ASMT: variants seen among roughly 807,000 people sequenced by gnomAD.
ASMT encodes acetylserotonin O-methyltransferase.
ASMT carries 53 observed loss-of-function variants against 41.3 expected under a neutral mutation model. The observed-to-expected ratio is 1.28, with a 90% CI of 1.03 to 1.61. ASMT has a LOEUF of 1.61. Among genes scored for constraint, ASMT ranks in the 40% most tolerant of loss-of-function variants. The pLI, the probability that ASMT is intolerant of heterozygous loss-of-function variation, is 0.00. For missense variants in ASMT, 531 were observed against 441.3 expected, an observed-to-expected ratio of 1.20 and a Z score of -1.82; for synonymous variants, 231 against 184.8, an observed-to-expected ratio of 1.25 and a Z score of -2.03.
At chrX:1,631,419 T>C (rs1331776916) in intron 5 of ASMT, among the ~76,000 whole-genome samples, 2 of 151,468 alleles carry the variant, frequency 1.3e-5, no homozygotes, top group Admixed American at 6.6e-5. Context: ...CTCTACCCCA[T>C]AGGGCTGTCA....
intron 4 of ASMT, chrX:1,627,990 C>T (rs1301921389): frequency 1.6e-6 from 1 of 622,066 alleles, no homozygotes; most frequent in Non-Finnish European, 2.9e-6. Context: ...ACCCTTCCTT[C>T]GAAAGGACTA....
rs1353743729 is a variant in ASMT, at chrX:1,626,104, T to C, written c.375-1599T>C. On this transcript the variant is annotated intron_variant, in intron 3 of 8. Transcript: ENST00000381241. ...CTATCTGACTTGGTTCTCTCCTGGATCAGAAAAAAGGAAGGAAAAGGAAGG... is the reference window on the plus strand; with the variant it reads ...CTATCTGACTTGGTTCTCTCCTGGACCAGAAAAAAGGAAGGAAAAGGAAGG... 4.1e-3 allele frequency among the ~76,000 whole-genome samples: 619 copies of C among 151,850 alleles called. 19 individuals carry two copies. Among genetic ancestry groups the C allele is most frequent in the Non-Finnish European group, 3.3e-3 (227 of 67,954 alleles).
At chrX:1,623,586 G>A (rs1240254524) in intron 2 of ASMT, among the ~76,000 whole-genome samples, 4 of 152,138 alleles carry the variant, frequency 2.6e-5, no homozygotes, top group Admixed American at 1.3e-4. Context: ...GCGACAGAGC[G>A]AGACTCCATC....
At chrX:1,635,156 T>G (rs1433201899) in intron 7 of ASMT, among the ~76,000 whole-genome samples, 20 of 149,942 alleles carry the variant, frequency 1.3e-4, no homozygotes, top group African/African-American at 3.7e-4. Flanking sequence ...TTTTTTTTTT[T>G]TGTATTTTTG....
chrX:1,633,090 G>A (rs1934837736), intron 6 of ASMT, 60 bp from the exon 7 acceptor site: 7 of 1,606,630 alleles, frequency 4.4e-6, no homozygotes, highest in East Asian at 2.2e-5. Flanking sequence ...GGTGTGTGGA[G>A]GGTGAGCGAT....
chrX:1,627,730 G>C lies in ASMT; in HGVS notation c.402G>C (p.Thr134=). 2 of 1,613,958 alleles carry C rather than the reference G, an allele frequency of 1.2e-6. No homozygotes were observed. The highest frequency in any genetic ancestry group is 1.7e-6 in the Non-Finnish European group (2 of 1,179,856). ...AAGGAAGGAACCAGTACCTGGAGAC[G>C]TTTGGCGTTCCCGCTGAAGAGCTTT... is the stretch of plus-strand genomic sequence containing the variant. ...VREGRNQYLE[T]FGVPAEELFT... Residue 134 remains threonine, a synonymous_variant, in exon 4 of 9, where the codon ACG becomes ACC. Transcript: ENST00000381241.
At chrX:1,628,617 C>A (rs1175301938) in intron 4 of ASMT, among the ~76,000 whole-genome samples, 1 of 149,208 alleles carries the variant, frequency 6.7e-6, no homozygotes, top group Non-Finnish European at 1.5e-5. Flanking sequence ...CCTCTCTTCT[C>A]CTTCTGTCCT....
intron 5 of ASMT, 150 bp downstream of exon 5, chrX:1,630,089 C>T: frequency 1.3e-6 from 1 of 795,736 alleles, no homozygotes; most frequent in Non-Finnish European, 2.3e-6. Context: ...CAGCACTGGG[C>T]ACTTCCTAGA....
intron 7 of ASMT, among the ~76,000 whole-genome samples, chrX:1,635,842 A>G (rs1482635090): frequency 3.9e-5 from 6 of 152,032 alleles, no homozygotes; most frequent in Non-Finnish European, 4.4e-5. Flanking sequence ...AGCCTGGGCA[A>G]CAAGAGCAAA....
chrX:1,624,302 A>G lies in ASMT; in HGVS notation c.278A>G (p.Tyr93Cys). The change falls in exon 3 of 9, where the codon TAC becomes TGC. Residue 93 changes from tyrosine to cysteine, a missense_variant. By Grantham distance (194) the Tyr-to-Cys change is radical. Coordinates refer to ENST00000381241, the MANE Select transcript of ASMT (RefSeq NM_001171038.2). ...CGAAACACAGAGCTGTCCAGCGACT[A>G]CCTGACCACGGTCAGCCCGACGTCA... ...FYRNTELSSD[Y>C]LTTVSPTSQC... The G allele has an allele frequency of 6.2e-7, 1 of 1,613,982 alleles. No homozygotes were observed.
chrX:1,625,767 A>G (rs1471281437), intron 3 of ASMT, among the ~76,000 whole-genome samples: 2 of 151,488 alleles, frequency 1.3e-5, no homozygotes, highest in South Asian at 2.1e-4. Context: ...ATCCTGGCTA[A>G]CACGGTGAAA....
At chrX:1,621,593 C>G (rs1161820244) in intron 1 of ASMT, among the ~76,000 whole-genome samples, 9 of 152,292 alleles carry the variant, frequency 5.9e-5, no homozygotes, top group South Asian at 2.1e-4. Flanking sequence ...GTTGGGATTA[C>G]AGGCGTGAGC....
chrX:1,616,528 G>C lies in ASMT; in HGVS notation c.69+1260G>C, dbSNP rs1193065207. On this transcript the variant is annotated intron_variant, in intron 1 of 8. Coordinates refer to ENST00000381241, the MANE Select transcript of ASMT (RefSeq NM_001171038.2). ...GTTCTGGAACCCGGCGGAAGTGCTG[G>C]CTATACAACATCACGAATGTACTAA... Among the ~76,000 whole-genome samples, 16 of 151,334 alleles carry C rather than the reference G, an allele frequency of 1.1e-4. No individual in the cohort carries two copies. The South Asian group carries it at 1.2e-3, about 12-fold the overall frequency.
chrX:1,635,061 A>G (rs1269078027), intron 7 of ASMT, among the ~76,000 whole-genome samples: 20 of 122,558 alleles, frequency 1.6e-4, no homozygotes. Flanking sequence ...TGCAAGCTCC[A>G]CCTCCCGGGT....
chrX:1,618,819 G>A (rs1404581648), intron 1 of ASMT, among the ~76,000 whole-genome samples: 1 of 152,192 alleles, frequency 6.6e-6, no homozygotes, highest in Non-Finnish European at 1.5e-5. Flanking sequence ...TCCTTTGACC[G>A]CAGGCCTCCT....
chrX:1,628,182 G>A lies in ASMT; in HGVS notation c.443+411G>A, dbSNP rs554685461. 80 of 246,224 alleles carry A rather than the reference G, an allele frequency of 3.2e-4. 1 individual carries two copies. Among genetic ancestry groups the A allele is most frequent in the South Asian group, 1.5e-3 (29 of 19,222 alleles). The allele number at this position is 246,224 out of a possible 1,614,324, so 15.3% of individuals were successfully genotyped here. ...CTAAAAATACAAAAATTAGCCGGGC[G>A]TGGTGGCGGACGCCTGTAATCCCAG... On this transcript the variant is annotated intron_variant, in intron 4 of 8. Coordinates refer to ENST00000381241, the MANE Select transcript of ASMT (RefSeq NM_001171038.2).
chrX:1,615,350 A>G (rs1245715577), intron 1 of ASMT, 82 bp downstream of exon 1: 1 of 1,292,190 alleles, frequency 7.7e-7, no homozygotes. Context: ...GTCGAGAAAA[A>G]TGATGAGTCT....
chrX:1,616,832 C>T (rs1379027886), intron 1 of ASMT, among the ~76,000 whole-genome samples: 1 of 151,482 alleles, frequency 6.6e-6, no homozygotes, highest in Non-Finnish European at 1.5e-5. Context: ...CCTCAGCCTC[C>T]CGAGTAGCTG....
chrX:1,629,919 C>G lies in ASMT; in HGVS notation c.542C>G (p.Pro181Arg), dbSNP rs766305797. Residue 181 changes from proline (P) to arginine (R), a missense_variant, in exon 5 of 9, where the codon CCA becomes CGA. Transcript: ENST00000381241. ...VLTAFDLSVF[P>R]LMCDLGGTWI... is the part of the protein sequence containing the mutation. ...ACCGCCTTTGACCTGTCAGTGTTCCCACTTATGTGTGACCTTGGTGGTAAG... is the reference window on the plus strand; with the variant it reads ...ACCGCCTTTGACCTGTCAGTGTTCCGACTTATGTGTGACCTTGGTGGTAAG... 7 of 1,613,816 alleles carry G rather than the reference C, an allele frequency of 4.3e-6. No homozygotes were observed. In the African/African-American group the frequency reaches 9.3e-5, roughly 22 times the overall value.
Sources: gnomAD v4.1 joint callset for allele counts (sites outside exome capture counted in the v4.1 genomes callset) on GRCh38, gnomAD v4.1.1 for gene constraint, MANE v1.5 for transcripts, NCBI Gene and HGNC (gene_info 2026-07-23, HGNC 2026-07-21) for gene names.